The following RPAP3 variants were observed in gnomAD, a reference collection of about 807,000 sequenced individuals.
RPAP3 encodes the protein RNA polymerase II associated protein 3.
A neutral mutation model predicts 88.8 loss-of-function variants in RPAP3; 58 were observed. The ratio of observed to expected loss-of-function variants is 0.65; its 90% CI spans 0.53 to 0.81. The LOEUF is 0.81. Ranked by LOEUF, RPAP3 falls within the 40% of genes least tolerant of loss-of-function variation. RPAP3 has a pLI of 0.00. For missense variants in RPAP3, 751 were observed against 764.3 expected (o/e 0.98, Z 0.20); for synonymous variants, 255 against 259.9 (o/e 0.98, Z 0.18).
chr12:47,663,217 G>C lies in RPAP3; in HGVS notation c.*288C>G. ...ATATAAAAATAATGTTACATTTATG[G>C]GTCACTGAAGAATGTATCTAAATTT... On this transcript the variant is annotated 3_prime_UTR_variant, in exon 17 of 17. Transcript: ENST00000005386. 4.6e-6 allele frequency: 1 copy of C among 216,582 alleles called. No individual in the cohort carries two copies. The highest frequency in any genetic ancestry group is 9.0e-6 in the Non-Finnish European group (1 of 111,000). The allele number at this position is 216,582 out of a possible 1,614,324, so 13.4% of individuals were successfully genotyped here.
In RPAP3 at chr12:47,686,924, A is replaced by G; in HGVS notation, c.865-17T>C. 2.7e-6 allele frequency: 4 copies of G among 1,507,752 alleles called. No individual in the cohort carries two copies. Among genetic ancestry groups the G allele is most frequent in the Non-Finnish European group, 3.6e-6 (4 of 1,115,630 alleles). 93.4% of individuals were successfully genotyped at this position (1,507,752 alleles called of 1,614,324 possible). On this transcript the variant is annotated splice_polypyrimidine_tract_variant and intron_variant, in intron 8 of 16. Transcript: ENST00000005386. The stretch of plus-strand genomic sequence containing the variant: ...TCCATTCCCCTGTTATTTTGTAGAG[A>G]GATATGGAGAATAAAAAAAAAATTT...
rs530727914 is a variant in RPAP3, at chr12:47,679,758, T to C, written c.1131A>G (p.Leu377=). Residue 377 remains leucine (L), a synonymous_variant, in exon 11 of 17, where the codon TTA becomes TTG. Coordinates refer to ENST00000005386, the MANE Select transcript of RPAP3 (RefSeq NM_024604.3). ...NEAKQDFETV[L]LLEPGNKQAV... ...CTTGCTTATTTCCAGGTTCCAGAAG[T>C]AAAACAGTTTCAAAATCTAAAGCGA... 6.2e-6 allele frequency: 10 copies of C among 1,605,614 alleles called. No individual in the cohort carries two copies. The African/African-American group carries it at 1.2e-4, about 19-fold the overall frequency.
rs529099008 is a variant in RPAP3, at chr12:47,693,082, T to C, written c.546-2443A>G. 4.2e-4 allele frequency among the ~76,000 whole-genome samples: 64 copies of C among 152,290 alleles called. 1 individual carries two copies. Among genetic ancestry groups the C allele is most frequent in the Non-Finnish European group, 1.0e-4 (7 of 68,026 alleles). On this transcript the variant is annotated intron_variant, in intron 5 of 16. Coordinates refer to ENST00000005386, the MANE Select transcript of RPAP3 (RefSeq NM_024604.3). ...TTTTAGTAGAGACAGGGTTTCACCA[T>C]GTTGGCCAGGCTGGTCTCCAACTCC...
intron 12 of RPAP3, among the ~76,000 whole-genome samples, chr12:47,670,749 G>A (rs980969247): frequency 2.6e-5 from 4 of 152,130 alleles, no homozygotes; most frequent in Admixed American, 1.3e-4. Context: ...GCTGGTGCAC[G>A]GCACGGCATG....
rs1221309385 is a variant in RPAP3, at chr12:47,670,225, C to T, written c.1408G>A (p.Ala470Thr). 2 of 1,613,724 alleles carry T rather than the reference C, an allele frequency of 1.2e-6. No individual in the cohort carries two copies. The highest frequency in any genetic ancestry group is 1.7e-6 in the Non-Finnish European group (2 of 1,179,712). ...NNPINLANVIAATGTTSKKNS... is the reference protein window; with the variant it reads ...NNPINLANVITATGTTSKKNS... ...TTCTTACTTGTGGTGCCTGTGGCTG[C>T]TATTACATTTGCTAGATTAATAGGA... The change falls in exon 13 of 17, where the codon GCA becomes ACA. Residue 470 changes from alanine (A) to threonine (T), a missense_variant. Coordinates refer to ENST00000005386, the MANE Select transcript of RPAP3 (RefSeq NM_024604.3).
intron 12 of RPAP3, among the ~76,000 whole-genome samples, chr12:47,672,509 G>T (rs1283803300): frequency 6.6e-6 from 1 of 152,196 alleles, no homozygotes; most frequent in Non-Finnish European, 1.5e-5. Flanking sequence ...AAAAAGTAAG[G>T]ATAACGCAGG....
rs775021805 is a variant in RPAP3, at chr12:47,686,890, T to C, written c.882A>G (p.Lys294=). The change falls in exon 9 of 17, where the codon AAA becomes AAG. Residue 294 remains lysine (K), a synonymous_variant. Coordinates refer to ENST00000005386, the MANE Select transcript of RPAP3 (RefSeq NM_024604.3). ...CAATTGCTCTTTCATATTTCCCCTC[T>C]TTGAAAAATCCATTCCCCTGTTATT... ...SEKDRGNGFF[K]EGKYERAIEC... The C allele has an allele frequency of 6.3e-7, 1 of 1,597,628 alleles. No individual in the cohort carries two copies. Among genetic ancestry groups the C allele is most frequent in the Non-Finnish European group, 8.5e-7 (1 of 1,170,410 alleles).
intron 13 of RPAP3, 40 bp downstream of exon 13, chr12:47,670,067 C>A: frequency 7.9e-7 from 1 of 1,267,782 alleles, no homozygotes. Context: ...TGGAATTAAC[C>A]CATTCTGGAT....
intron 9 of RPAP3, among the ~76,000 whole-genome samples, chr12:47,686,578 T>G (rs551669163): frequency 1.2e-5 from 1 of 86,182 alleles, no homozygotes; most frequent in Non-Finnish European, 2.9e-5. Context: ...ACACACACAC[T>G]ACTTTTCCCC....
At chr12:47,698,486 G>A (rs1939582520) in intron 3 of RPAP3, among the ~76,000 whole-genome samples, 1 of 151,970 alleles carries the variant, frequency 6.6e-6, no homozygotes, top group Non-Finnish European at 1.5e-5. Context: ...TTTTTTATAT[G>A]ATAAAACAAT....
At chr12:47,698,590 T>A (rs922021512) in intron 3 of RPAP3, among the ~76,000 whole-genome samples, 5 of 152,212 alleles carry the variant, frequency 3.3e-5, no homozygotes, top group African/African-American at 1.2e-4. Flanking sequence ...GTCAGCTTAC[T>A]GCAACCTCCA....
intron 3 of RPAP3, among the ~76,000 whole-genome samples, chr12:47,698,111 C>CA (rs1034796751): frequency 1.3e-5 from 2 of 151,996 alleles, no homozygotes; most frequent in Non-Finnish European, 2.9e-5. Context: ...TATTTTAAAA[C>CA]AAAAAACTGC....
chr12:47,684,975 T>C (rs1565718647), intron 9 of RPAP3, among the ~76,000 whole-genome samples: 1 of 152,196 alleles, frequency 6.6e-6, no homozygotes, highest in Non-Finnish European at 1.5e-5. Context: ...TGTGGAAACT[T>C]GTTTAGGAAA....
At chr12:47,705,184 G>A (rs1592491679) in intron 1 of RPAP3, among the ~76,000 whole-genome samples, 1 of 152,122 alleles carries the variant, frequency 6.6e-6, no homozygotes, top group Non-Finnish European at 1.5e-5. Context: ...AGCTTTAGGC[G>A]GAGGGAAGAG....
intron 9 of RPAP3, among the ~76,000 whole-genome samples, chr12:47,686,292 C>G (rs1191222204): frequency 6.6e-6 from 1 of 152,170 alleles, no homozygotes; most frequent in African/African-American, 2.4e-5. Flanking sequence ...GTTTCAATGA[C>G]AGCAGTTCTC....
At chr12:47,681,080 C>T (rs1042112164) in intron 10 of RPAP3, among the ~76,000 whole-genome samples, 2 of 147,694 alleles carry the variant, frequency 1.4e-5, no homozygotes, top group African/African-American at 4.9e-5. Context: ...CCAAGTTCTA[C>T]TAACTACCCC....
chr12:47,696,509 G>T (rs987757023), intron 4 of RPAP3, 106 bp from the exon 5 acceptor site: 1 of 686,228 alleles, frequency 1.5e-6, no homozygotes, highest in Non-Finnish European at 2.2e-6. Context: ...CTTAAATGTA[G>T]ATTTTTTTCA....
In RPAP3 at chr12:47,683,804, C is replaced by G. The variant is rs1939273362; in HGVS notation, c.993-1987G>C. ...GCCCTGATTCCTTCTGATTTTCAGT[C>G]AGGTCCACTTGCCCTAGGTCTACTC... On this transcript the variant is annotated intron_variant, in intron 9 of 16. Transcript: ENST00000005386. Among the ~76,000 whole-genome samples, 11 of 152,176 alleles carry G rather than the reference C, an allele frequency of 7.2e-5. 1 individual carries two copies. Among genetic ancestry groups the G allele is most frequent in the Admixed American group, 7.2e-4 (11 of 15,276 alleles).
intron 12 of RPAP3, among the ~76,000 whole-genome samples, chr12:47,675,438 AAC>A (rs1450478107): frequency 3.3e-5 from 5 of 152,242 alleles, no homozygotes; most frequent in Non-Finnish European, 7.3e-5. Context: ...CCCCAATTAA[AAC>A]ACAAAGACTG....
Sources: allele counts gnomAD v4.1 joint callset (sites outside exome capture counted in the v4.1 genomes callset), GRCh38; gene constraint gnomAD v4.1.1; transcripts MANE v1.5; gene names NCBI Gene and HGNC (gene_info 2026-07-23, HGNC 2026-07-21).